The following PIWIL1 variants were observed in gnomAD, a reference collection of about 807,000 sequenced individuals.
The protein encoded by PIWIL1 is piwi-like protein 1.
In PIWIL1, 73 loss-of-function variants were observed where a neutral mutation model predicts 114.4. The observed-to-expected ratio is 0.64, with a 90% confidence interval of 0.53 to 0.78. PIWIL1 has a LOEUF of 0.78. PIWIL1 is among the 30% of genes least tolerant of loss of function. The probability of loss-of-function intolerance (pLI) is 0.00; values close to 1 mark genes in which losing one functional copy is unlikely to be tolerated. For missense variants in PIWIL1, 723 were observed against 1,063.1 expected, an observed-to-expected ratio of 0.68 and a Z score of 4.45; for synonymous variants, 375 against 369.0, an observed-to-expected ratio of 1.02 and a Z score of -0.19.
chr12:130,417,793 T>C, the PIWIL1 span, among the ~76,000 whole-genome samples: 1 of 152,232 alleles, frequency 6.6e-6, no homozygotes, highest in African/African-American at 2.4e-5. Flanking sequence ...CATATGCATA[T>C]ATATACATGT....
rs2073313917 is a variant in PIWIL1 at position 130,354,644 on chromosome 12, T to C, written c.1152T>C (p.Pro384=). ...TGCCAGGGCCTGCCATGCTCATTCC[T>C]GAGCTCTGCTATCTTACAGGTACTG... ...GTLPGPAMLI[P]ELCYLTGLTD... is the part of the protein sequence containing the mutation. Residue 384 remains proline, a synonymous_variant, in exon 10 of 21, where the codon CCT becomes CCC. Transcript: ENST00000245255. 2 of 1,596,246 alleles carry C rather than the reference T, an allele frequency of 1.3e-6. No homozygotes were observed. The highest frequency in any genetic ancestry group is 1.7e-6 in the Non-Finnish European group (2 of 1,174,078).
At chr12:130,401,980 C>G in the PIWIL1 span, among the ~76,000 whole-genome samples, 1 of 152,218 alleles carries the variant, frequency 6.6e-6, no homozygotes, top group African/African-American at 2.4e-5. Flanking sequence ...AGCCAGGCCT[C>G]CAGGCCAGCC....
At chr12:130,382,551 C>T in the PIWIL1 span, among the ~76,000 whole-genome samples, 1 of 152,262 alleles carries the variant, frequency 6.6e-6, no homozygotes, top group Non-Finnish European at 1.5e-5. Flanking sequence ...TTTGTCGTCA[C>T]TTTAACCCCA....
chr12:130,409,085 T>G, the PIWIL1 span, among the ~76,000 whole-genome samples: 16 of 152,150 alleles, frequency 1.1e-4, no homozygotes, highest in Non-Finnish European at 1.9e-4. Context: ...TTTTGAAAGG[T>G]GGCATAACAA....
chr12:130,341,272 G>T (rs2136121399), intron 1 of PIWIL1, among the ~76,000 whole-genome samples: 1 of 152,306 alleles, frequency 6.6e-6, no homozygotes, highest in African/African-American at 2.4e-5. Flanking sequence ...TCTGCATCCA[G>T]TTCAAGCACT....
chr12:130,359,795 T>C (rs1473357409), intron 14 of PIWIL1, among the ~76,000 whole-genome samples: 9 of 152,184 alleles, frequency 5.9e-5, no homozygotes, highest in Non-Finnish European at 2.9e-5. Flanking sequence ...TTGCAAAAGA[T>C]AGAATGACAA....
chr12:130,349,761 T>C, intron 8 of PIWIL1, 95 bp from the exon 9 acceptor site: 1 of 742,972 alleles, frequency 1.3e-6, no homozygotes, highest in Non-Finnish European at 2.2e-6. Flanking sequence ...CCAGGTGATT[T>C]GAAATTTTAG....
the PIWIL1 span, among the ~76,000 whole-genome samples, chr12:130,405,993 T>G: frequency 6.6e-6 from 1 of 152,180 alleles, no homozygotes; most frequent in Non-Finnish European, 1.5e-5. Flanking sequence ...AGTCCCAACT[T>G]TCTAGATTAT....
the PIWIL1 span, among the ~76,000 whole-genome samples, chr12:130,402,442 G>A: frequency 0.3 from 45,217 of 151,820 alleles, 7,180 homozygotes; most frequent in East Asian, 0.65. Flanking sequence ...GACGTATTTC[G>A]GGCCATGTTT....
chr12:130,422,304 T>C, the PIWIL1 span: 1 of 548,046 alleles, frequency 1.8e-6, no homozygotes, highest in Non-Finnish European at 3.3e-6. This position sits in a 1 kb window ranked among gnomAD's most constrained non-coding sequence, Gnocchi z 5.2. Context: ...ATTTATCTTG[T>C]GCTGTTCCTG....
Position 130,361,598 on chromosome 12 carries a change from C to T in PIWIL1, c.1967C>T (p.Thr656Ile), listed in dbSNP as rs779912732. Residue 656 changes from threonine to isoleucine, a missense_variant, in exon 16 of 21, where the codon ACC becomes ATC. Around this residue, in one of 8 missense-constraint regions of PIWIL1, gnomAD observed 298 missense variants for 420.8 expected, o/e 0.71. Coordinates refer to ENST00000245255, the MANE Select transcript of PIWIL1 (RefSeq NM_004764.5). Reference sequence around the variant, plus strand: ...GTTGCCAGCATCAATGAAGGGATGACCCGGTGAGTGAGACTGGGCTACTGT... The same window carrying T: ...GTTGCCAGCATCAATGAAGGGATGATCCGGTGAGTGAGACTGGGCTACTGT... ...GFVASINEGM[T>I]RWFSRCIFQD... The T allele has an allele frequency of 6.2e-7, 1 of 1,613,080 alleles. No individual in the cohort carries two copies. The highest frequency in any genetic ancestry group is 1.1e-5 in the South Asian group (1 of 91,050).
At chr12:130,349,754 G>T in intron 8 of PIWIL1, 102 bp from the exon 9 acceptor site, 1 of 693,378 alleles carries the variant, frequency 1.4e-6, no homozygotes, top group Non-Finnish European at 2.4e-6. Context: ...TATATAACCA[G>T]GTGATTTGAA....
At chr12:130,397,409 C>A in the PIWIL1 span, 1 of 398,960 alleles carries the variant, frequency 2.5e-6, no homozygotes, top group Non-Finnish European at 4.4e-6. Context: ...CTTTGGAAAG[C>A]AGCCCCTTTT....
chr12:130,401,391 C>T, the PIWIL1 span, among the ~76,000 whole-genome samples: 1 of 152,140 alleles, frequency 6.6e-6, no homozygotes, highest in Admixed American at 6.5e-5. Flanking sequence ...GCTGGGATTA[C>T]AGGCTGAGGC....
At chr12:130,348,219 C>T (rs760906336) in intron 7 of PIWIL1, 36 bp downstream of exon 7, 2 of 1,226,474 alleles carry the variant, frequency 1.6e-6, no homozygotes, top group Non-Finnish European at 2.4e-6. Context: ...ATTCCTTAGG[C>T]TTAATGACAG....
the PIWIL1 span, chr12:130,399,025 C>T: frequency 1.8e-6 from 1 of 546,676 alleles, no homozygotes; most frequent in Middle Eastern, 3.1e-4. Flanking sequence ...TTTTTTTTAA[C>T]CCCACAATGA....
chr12:130,355,693 T>G lies in PIWIL1; in HGVS notation c.1404+26T>G, dbSNP rs763583559. On this transcript the variant is annotated intron_variant, in intron 12 of 20. Coordinates refer to ENST00000245255, the MANE Select transcript of PIWIL1 (RefSeq NM_004764.5). ...GTAAGGCAGTTTTTCGTTGGTGTTGTTGTTGTTTTTGAGACGGAGTCTCGC... is the reference window on the plus strand; with the variant it reads ...GTAAGGCAGTTTTTCGTTGGTGTTGGTGTTGTTTTTGAGACGGAGTCTCGC... 11 of 1,496,750 alleles carry G rather than the reference T, an allele frequency of 7.3e-6. No homozygotes were observed. In the South Asian group the frequency reaches 9.0e-5, roughly 12 times the overall value. The allele number at this position is 1,496,750 out of a possible 1,614,324, so 92.7% of individuals were successfully genotyped here.
the PIWIL1 span, among the ~76,000 whole-genome samples, chr12:130,388,941 T>G: frequency 6.6e-6 from 1 of 152,182 alleles, no homozygotes; most frequent in Non-Finnish European, 1.5e-5. Context: ...CATTTAAGAT[T>G]ACATCCATTA....
chr12:130,409,411 C>T, the PIWIL1 span, among the ~76,000 whole-genome samples: 11 of 148,532 alleles, frequency 7.4e-5, no homozygotes, highest in Admixed American at 2.7e-4. Context: ...GGCGCGATCC[C>T]GGCTCACTGC....
Sources: gnomAD v4.1 joint callset for allele counts (sites outside exome capture counted in the v4.1 genomes callset) on GRCh38, gnomAD v4.1.1 for gene constraint, gnomAD v4.1.1 regional missense constraint, Gnocchi (gnomAD v3.1) non-coding constraint, MANE v1.5 for transcripts, NCBI Gene and HGNC (gene_info 2026-07-23, HGNC 2026-07-21) for gene names.